PRKG1: variants seen among roughly 807,000 people sequenced by gnomAD.
PRKG1 encodes the protein protein kinase cGMP-dependent 1.
In PRKG1, 35 loss-of-function variants were observed where a neutral mutation model predicts 88.1. The ratio of observed to expected loss-of-function variants is 0.40; its 90% CI spans 0.30 to 0.53. The LOEUF is 0.53. Among genes scored for constraint, PRKG1 ranks in the 20% least tolerant of loss-of-function variants. The pLI is 0.59. For synonymous variants in PRKG1, 303 were observed against 292.5 expected, an observed-to-expected ratio of 1.04 and a Z score of -0.37; for missense variants, 540 against 839.8, an observed-to-expected ratio of 0.64 and a Z score of 4.41.
chr10:51,632,825 G>A (rs576630863), intron 3 of PRKG1, among the ~76,000 whole-genome samples: 66 of 152,206 alleles, frequency 4.3e-4, no homozygotes, highest in Admixed American at 1.2e-3. Context: ...AAATTAATTT[G>A]GAATATGGTG....
chr10:52,045,867 G>T (rs1365853869), intron 5 of PRKG1, among the ~76,000 whole-genome samples: 1 of 152,056 alleles, frequency 6.6e-6, no homozygotes, highest in African/African-American at 2.4e-5. Flanking sequence ...CTGGGGGCAT[G>T]ATGGTTCTTG....
chr10:51,872,349 T>C (rs888912582), intron 4 of PRKG1, among the ~76,000 whole-genome samples: 1 of 152,216 alleles, frequency 6.6e-6, no homozygotes, highest in Non-Finnish European at 1.5e-5. Flanking sequence ...AGACAACTTA[T>C]GTAAAGTGCT....
chr10:51,710,922 G>A (rs547695742), intron 3 of PRKG1, among the ~76,000 whole-genome samples: 81 of 152,146 alleles, frequency 5.3e-4, no homozygotes, highest in South Asian at 4.6e-3. Context: ...TCTCGAACTC[G>A]TGGCCTCAAG....
At chr10:52,167,395 C>T (rs958534650) in intron 9 of PRKG1, among the ~76,000 whole-genome samples, 5 of 152,144 alleles carry the variant, frequency 3.3e-5, no homozygotes, top group Admixed American at 2.6e-4. Context: ...CAACCTCCAG[C>T]ACTATGGATT....
At chr10:51,613,469 T>A (rs1300487102) in intron 3 of PRKG1, among the ~76,000 whole-genome samples, 2 of 151,858 alleles carry the variant, frequency 1.3e-5, no homozygotes, top group African/African-American at 2.4e-5. Flanking sequence ...GATCCAACTT[T>A]TCATTTTATT....
chr10:52,048,800 TTCTCTATC>T (rs1394063321), intron 5 of PRKG1, among the ~76,000 whole-genome samples: 3 of 151,906 alleles, frequency 2.0e-5, no homozygotes, highest in East Asian at 1.9e-4. Context: ...TCAATTTTCT[TTCTCTATC>T]TATCCTCCTA....
intron 5 of PRKG1, among the ~76,000 whole-genome samples, chr10:51,989,593 T>TTA (rs1554864850): frequency 6.7e-6 from 1 of 149,076 alleles, no homozygotes; most frequent in Middle Eastern, 3.5e-3. Context: ...CCAATGATGA[T>TTA]AAAAAAAAAA....
chr10:52,172,780 C>CT (rs907926738), intron 9 of PRKG1, among the ~76,000 whole-genome samples: 35 of 152,280 alleles, frequency 2.3e-4, no homozygotes, highest in African/African-American at 7.7e-4. Flanking sequence ...GCTAGAAGTG[C>CT]TGAAGGGCTC....
At chr10:51,711,887 T>G (rs1407982411) in intron 3 of PRKG1, among the ~76,000 whole-genome samples, 1 of 152,210 alleles carries the variant, frequency 6.6e-6, no homozygotes, top group Admixed American at 6.5e-5. Context: ...TGAGTTTACA[T>G]TCTTTTCTTC....
chr10:51,689,948 TATAAAGAAATA>T (rs2132388433), intron 3 of PRKG1, among the ~76,000 whole-genome samples: 1 of 152,232 alleles, frequency 6.6e-6, no homozygotes, highest in East Asian at 1.9e-4. Flanking sequence ...CTTGCATTTC[TATAAAGAAATA>T]CCTGAGATGG....
At chr10:51,839,383 C>A (rs1840211614) in intron 4 of PRKG1, among the ~76,000 whole-genome samples, 1 of 152,134 alleles carries the variant, frequency 6.6e-6, no homozygotes, top group African/African-American at 2.4e-5. Context: ...CCCATGCCCA[C>A]CCCACCTCTA....
chr10:51,054,296 A>T (rs1004145700), intron 1 of PRKG1, among the ~76,000 whole-genome samples: 5 of 152,230 alleles, frequency 3.3e-5, no homozygotes, highest in Admixed American at 2.0e-4. Context: ...GCATCAAGAG[A>T]ATTACAAAAC....
chr10:51,453,637 A>C (rs1466677317), intron 2 of PRKG1, among the ~76,000 whole-genome samples: 2 of 151,976 alleles, frequency 1.3e-5, no homozygotes, highest in African/African-American at 4.8e-5. Context: ...TTTTGGAGTT[A>C]ATTTCCAGTT....
At chr10:51,910,254 G>A (rs551478087) in intron 5 of PRKG1, 37 of 152,176 alleles carry the variant, frequency 2.4e-4, no homozygotes, top group African/African-American at 3.1e-4. Flanking sequence ...ATCCAGTGGG[G>A]GTACTCTAGG....
intron 2 of PRKG1, among the ~76,000 whole-genome samples, chr10:51,439,030 A>G (rs1321547445): frequency 6.6e-6 from 1 of 151,646 alleles, no homozygotes; most frequent in African/African-American, 2.4e-5. Flanking sequence ...AAGAGAAACC[A>G]ATCCAACTGG....
At chr10:51,553,393 T>G (rs1255242549) in intron 3 of PRKG1, among the ~76,000 whole-genome samples, 1 of 151,726 alleles carries the variant, frequency 6.6e-6, no homozygotes, top group Non-Finnish European at 1.5e-5. Flanking sequence ...CATGCTTTTT[T>G]GTGTGTGAAC....
At chr10:52,150,174 A>T (rs979290981) in intron 8 of PRKG1, among the ~76,000 whole-genome samples, 1,618 of 104,882 alleles carry the variant, frequency 0.015, 29 homozygotes, top group South Asian at 0.045. Context: ...TAATAATAAT[A>T]ATAATAATAA....
chr10:51,418,451 G>C (rs188636000), intron 2 of PRKG1, among the ~76,000 whole-genome samples: 6 of 152,264 alleles, frequency 3.9e-5, no homozygotes, highest in Admixed American at 3.9e-4. Flanking sequence ...CTGTAACTAA[G>C]GTCACTCAAC....
Position 52,257,589 on chromosome 10 carries a change from C to G in PRKG1, c.1173+5923C>G, listed in dbSNP as rs1004506843. Among the ~76,000 whole-genome samples, 6 of 139,708 alleles carry G rather than the reference C, an allele frequency of 4.3e-5. 1 individual carries two copies. The highest frequency in any genetic ancestry group is 3.7e-4 in the Admixed American group (5 of 13,346). 91.7% of individuals were successfully genotyped at this position (139,708 alleles called of 152,430 possible). On this transcript the variant is annotated intron_variant, in intron 10 of 17. Coordinates refer to ENST00000373980, the MANE Select transcript of PRKG1 (RefSeq NM_006258.4). ...ACATCGGACACCTGGGGAAACCCTG[C>G]TGCCCTAAGGCCTTGCATCCTCTGT...
Sources: allele counts gnomAD v4.1 joint callset (sites outside exome capture counted in the v4.1 genomes callset), GRCh38; gene constraint gnomAD v4.1.1; transcripts MANE v1.5; gene names NCBI Gene and HGNC (gene_info 2026-07-23, HGNC 2026-07-21).